DNAH11: variants seen among roughly 807,000 people sequenced by gnomAD.
DNAH11 encodes dynein axonemal heavy chain 11.
In DNAH11, 442 loss-of-function variants were observed where a neutral mutation model predicts 526.0. That is an observed-to-expected ratio of 0.84 (90% CI 0.78 to 0.91). The LOEUF (loss-of-function observed/expected upper bound fraction) is 0.91. Among genes scored for constraint, DNAH11 ranks in the 40% least tolerant of loss-of-function variants. DNAH11 has a pLI of 0.00. For missense variants in DNAH11, 6,989 were observed against 5,448.7 expected (o/e 1.28, Z -8.90); for synonymous variants, 2,461 against 1,935.9 (o/e 1.27, Z -7.12).
intron 61 of DNAH11, among the ~76,000 whole-genome samples, chr7:21,800,759 G>C (rs1053598798): frequency 6.6e-6 from 1 of 152,206 alleles, no homozygotes; most frequent in Non-Finnish European, 1.5e-5. Flanking sequence ...AACCAAACAA[G>C]TCACTGTTGT....
rs906127915 is a variant in DNAH11, at chr7:21,619,298, T to A, written c.4377+76T>A. On this transcript the variant is annotated intron_variant, in intron 24 of 81. Coordinates refer to ENST00000409508, the MANE Select transcript of DNAH11 (RefSeq NM_001277115.2). The stretch of plus-strand genomic sequence containing the variant: ...GCATAGAAGCCAACTTAGAGAAAAG[T>A]CCTTTTGATGTCCTGGGAGCCTGGA... 7.0e-5 allele frequency: 106 copies of A among 1,520,888 alleles called. No homozygotes were observed. In the Middle Eastern group the frequency reaches 8.6e-4, roughly 12 times the overall value. The allele number at this position is 1,520,888 out of a possible 1,614,324, so 94.2% of individuals were successfully genotyped here. A position where few individuals can be genotyped will look rare whatever the true frequency, so the allele number is the denominator to read the frequency against.
At chr7:21,640,508 C>CTTTTTTTTTTTTTTTTT (rs144316063) in intron 28 of DNAH11, among the ~76,000 whole-genome samples, 10 of 149,308 alleles carry the variant, frequency 6.7e-5, no homozygotes, top group African/African-American at 2.3e-4. Context: ...GGTAAGCATT[C>CTTTTTTTTTTTTTTTTT]TTTTTCTTTT....
At chr7:21,827,729 T>C (rs571473985) in intron 65 of DNAH11, among the ~76,000 whole-genome samples, 4 of 152,216 alleles carry the variant, frequency 2.6e-5, no homozygotes, top group South Asian at 4.1e-4. Context: ...CTGAAAGTTA[T>C]GCTAAGATTA....
intron 73 of DNAH11, among the ~76,000 whole-genome samples, chr7:21,869,773 A>C (rs1783427675): frequency 6.6e-6 from 1 of 152,162 alleles, no homozygotes; most frequent in South Asian, 2.1e-4. Flanking sequence ...TTTGATTGTA[A>C]ATTATAGGGG....
intron 66 of DNAH11, among the ~76,000 whole-genome samples, chr7:21,845,176 C>G (rs1782372811): frequency 6.6e-6 from 1 of 152,086 alleles, no homozygotes; most frequent in Non-Finnish European, 1.5e-5. Context: ...TGTGGGCTGT[C>G]TTTTCACTTT....
At chr7:21,622,406 A>G (rs1223871013) in intron 25 of DNAH11, among the ~76,000 whole-genome samples, 1 of 152,152 alleles carries the variant, frequency 6.6e-6, no homozygotes, top group African/African-American at 2.4e-5. Context: ...AAAGTAATTT[A>G]TAGATTCAAT....
chr7:21,847,706 C>T (rs776887147), intron 66 of DNAH11, among the ~76,000 whole-genome samples: 11 of 152,086 alleles, frequency 7.2e-5, no homozygotes, highest in Non-Finnish European at 1.3e-4. Flanking sequence ...ATGCACAGTT[C>T]GACTATATCC....
rs201120788 is a variant in DNAH11, at chr7:21,861,882, C to A, written c.11232C>A (p.Ile3744=). The A allele has an allele frequency of 6.2e-7, 1 of 1,613,236 alleles. No homozygotes were observed. Among genetic ancestry groups the A allele is most frequent in the Non-Finnish European group, 8.5e-7 (1 of 1,179,664 alleles). Residue 3744 remains isoleucine (I), a synonymous_variant, in exon 69 of 82, where the codon ATC becomes ATA. Coordinates refer to ENST00000409508, the MANE Select transcript of DNAH11 (RefSeq NM_001277115.2). ...KAFNVLFHRA[I]EQADKVEDMQ... ...TTAACGTGCTGTTCCACAGAGCGAT[C>A]GAGCAGGCTGACAAGGTGGAAGACA...
At chr7:21,752,054 G>C (rs1469700449) in intron 54 of DNAH11, among the ~76,000 whole-genome samples, 3 of 152,220 alleles carry the variant, frequency 2.0e-5, no homozygotes, top group Non-Finnish European at 4.4e-5. Flanking sequence ...CTCCAAGCCA[G>C]ACCTCCTGAA....
intron 54 of DNAH11, among the ~76,000 whole-genome samples, chr7:21,751,729 A>C (rs575674184): frequency 6.6e-6 from 1 of 152,306 alleles, no homozygotes; most frequent in South Asian, 2.1e-4. Context: ...ACATTCTGCT[A>C]TTTCAAGTTT....
chr7:21,880,726 G>T lies in DNAH11; in HGVS notation c.12220G>T (p.Glu4074Ter), dbSNP rs1410027824. The part of the protein sequence containing the change: ...DQDTLEICSK[E>*]QEFKSILFSL... Reference sequence around the variant, plus strand: ...GGATACACTTGAAATATGCTCCAAGGAGCAGGAGTTTAAAAGCATCCTTTT... The same window carrying T: ...GGATACACTTGAAATATGCTCCAAGTAGCAGGAGTTTAAAAGCATCCTTTT... Residue 4074 changes from glutamate (E) to a stop codon, truncating the protein, a stop_gained, in exon 75 of 82, where the codon GAG (glutamate) becomes TAG (stop). Coordinates refer to ENST00000409508, the MANE Select transcript of DNAH11 (RefSeq NM_001277115.2). LOFTEE classifies it high-confidence loss of function. The T allele has an allele frequency of 6.2e-7, 1 of 1,613,792 alleles. No homozygotes were observed. The highest frequency in any genetic ancestry group is 1.7e-5 in the Admixed American group (1 of 60,010).
At chr7:21,837,248 A>C (rs1782030759) in intron 65 of DNAH11, among the ~76,000 whole-genome samples, 1 of 152,216 alleles carries the variant, frequency 6.6e-6, no homozygotes, top group South Asian at 2.1e-4. Flanking sequence ...TATCAAAAGG[A>C]AATGAAATCA....
intron 62 of DNAH11, among the ~76,000 whole-genome samples, chr7:21,805,965 T>C (rs1789248305): frequency 6.6e-6 from 1 of 152,112 alleles, no homozygotes; most frequent in Non-Finnish European, 1.5e-5. Flanking sequence ...ATCAGGCAAT[T>C]TATATTTAAT....
intron 66 of DNAH11, among the ~76,000 whole-genome samples, chr7:21,843,050 G>A (rs1236749488): frequency 2.0e-5 from 3 of 152,134 alleles, no homozygotes; most frequent in Admixed American, 6.5e-5. Flanking sequence ...GAATGTAATC[G>A]ACTAATTTAG....
At chr7:21,608,654 T>A (rs1237420286) in intron 20 of DNAH11, among the ~76,000 whole-genome samples, 1 of 152,188 alleles carries the variant, frequency 6.6e-6, no homozygotes, top group African/African-American at 2.4e-5. Flanking sequence ...ATACTTGGTT[T>A]TATTTTTTAT....
At chr7:21,894,075 G>A (rs571520033) in intron 77 of DNAH11, among the ~76,000 whole-genome samples, 19 of 152,260 alleles carry the variant, frequency 1.2e-4, no homozygotes, top group African/African-American at 4.3e-4. Flanking sequence ...TTTTAGTAGA[G>A]ACAGAGTTTC....
rs151039569 is a variant in DNAH11, at chr7:21,659,652, G to T, written c.5328+621G>T. Among the ~76,000 whole-genome samples, 36 of 152,174 alleles carry T rather than the reference G, an allele frequency of 2.4e-4. No homozygotes were observed. The East Asian group carries it at 7.0e-3, about 29-fold the overall frequency. On this transcript the variant is annotated intron_variant, in intron 30 of 81. Transcript: ENST00000409508. The stretch of plus-strand genomic sequence containing the variant: ...AGTTTGTCTACTCTTCTGGTTTTCA[G>T]TGGATAAAATCTGAATCCATAAATA...
At chr7:21,608,951 A>G (rs893883276) in intron 20 of DNAH11, among the ~76,000 whole-genome samples, 3 of 152,306 alleles carry the variant, frequency 2.0e-5, no homozygotes, top group Non-Finnish European at 4.4e-5. Flanking sequence ...ATGTAAATCT[A>G]GTTAGACTCA....
chr7:21,749,839 A>T (rs1292118932), intron 53 of DNAH11, 38 bp downstream of exon 53: 2 of 1,610,488 alleles, frequency 1.2e-6, no homozygotes, highest in African/African-American at 2.7e-5. Context: ...GATCTTCCCC[A>T]ATGACAAATT....
Sources: allele counts gnomAD v4.1 joint callset (sites outside exome capture counted in the v4.1 genomes callset), GRCh38; gene constraint gnomAD v4.1.1; transcripts MANE v1.5; gene names NCBI Gene and HGNC (gene_info 2026-07-23, HGNC 2026-07-21).